EI24: variants seen among roughly 807,000 people sequenced by gnomAD.
EI24 encodes the protein EI24 autophagy associated transmembrane protein, also known as etoposide-induced protein 2.4 homolog.
Under a neutral mutation model 48.6 loss-of-function variants are expected in EI24, and 21 were observed. That is an observed-to-expected ratio of 0.43 (90% confidence interval 0.31 to 0.62). EI24 has a LOEUF of 0.62. Ranked by LOEUF, EI24 falls within the 20% of genes least tolerant of loss-of-function variation. The probability of loss-of-function intolerance (pLI) is 0.10; values close to 1 mark genes in which losing one functional copy is unlikely to be tolerated. For missense variants in EI24, 280 were observed against 410.5 expected (o/e 0.68, Z 2.75); for synonymous variants, 114 against 145.5 (o/e 0.78, Z 1.56).
chr11:125,577,903 G>A (rs1026213761), intron 5 of EI24: 2 of 592,604 alleles, frequency 3.4e-6, no homozygotes, highest in Non-Finnish European at 5.9e-6. Flanking sequence ...CATCATGTAA[G>A]CAGGTTTGTG....
chr11:125,583,380 T>G, intron 10 of EI24, 141 bp from the exon 11 acceptor site: 1 of 710,678 alleles, frequency 1.4e-6, no homozygotes, highest in Non-Finnish European at 2.3e-6. Flanking sequence ...CATCCATGTA[T>G]CTAATATCTG....
chr11:125,572,358 C>G, intron 1 of EI24, 100 bp from the exon 2 acceptor site: 1 of 642,810 alleles, frequency 1.6e-6, no homozygotes, highest in Non-Finnish European at 2.8e-6. Context: ...TGCTATCTTA[C>G]TAGAGCTACA....
At chr11:125,575,638 T>A (rs1352364795) in intron 3 of EI24, among the ~76,000 whole-genome samples, 1 of 152,168 alleles carries the variant, frequency 6.6e-6, no homozygotes, top group East Asian at 1.9e-4. Context: ...TATTATTTGG[T>A]TTGATAGATA....
At chr11:125,572,593 A>T in intron 2 of EI24, 24 bp downstream of exon 2, 4 of 1,189,634 alleles carry the variant, frequency 3.4e-6, no homozygotes, top group Non-Finnish European at 4.9e-6. Flanking sequence ...GTTTATAGGA[A>T]TTCATCTCTC....
rs1025027381 is a variant in EI24, at chr11:125,575,692, C to G, written c.188+284C>G. Reference sequence around the variant, plus strand: ...TGGATTTATGTATTAATAGAAGAACCCTGGCCCCACACTTTCTCTTAATCT... The same window carrying G: ...TGGATTTATGTATTAATAGAAGAACGCTGGCCCCACACTTTCTCTTAATCT... On this transcript the variant is annotated intron_variant, in intron 3 of 10. Coordinates refer to ENST00000278903, the MANE Select transcript of EI24 (RefSeq NM_004879.5). 2.3e-4 allele frequency: 58 copies of G among 248,616 alleles called. 1 individual carries two copies. Among genetic ancestry groups the G allele is most frequent in the African/African-American group, 1.2e-3 (56 of 44,892 alleles). 15.4% of individuals were successfully genotyped at this position (248,616 alleles called of 1,614,324 possible).
intron 4 of EI24, among the ~76,000 whole-genome samples, chr11:125,576,660 C>T (rs911491638): frequency 1.3e-5 from 2 of 152,178 alleles, no homozygotes; most frequent in Non-Finnish European, 2.9e-5. Flanking sequence ...TACGGCTAGA[C>T]AAGAACAAGG....
chr11:125,581,176 T>C (rs1231345278), intron 8 of EI24, 35 bp from the exon 9 acceptor site: 1 of 1,466,930 alleles, frequency 6.8e-7, no homozygotes, highest in Admixed American at 1.8e-5. Context: ...TAAAAGGAAA[T>C]ATAATATCTA....
At chr11:125,578,011 G>A (rs1017162860) in intron 5 of EI24, 122 bp from the exon 6 acceptor site, 2 of 1,154,976 alleles carry the variant, frequency 1.7e-6, no homozygotes, top group Non-Finnish European at 2.5e-6. Context: ...GTATAGTGAT[G>A]TGCTGGCAAG....
At chr11:125,572,181 A>G (rs923585223) in intron 1 of EI24, among the ~76,000 whole-genome samples, 1 of 152,218 alleles carries the variant, frequency 6.6e-6, no homozygotes, top group Non-Finnish European at 1.5e-5. Context: ...TTACTGGTCA[A>G]GAGCACATTG....
In EI24 at chr11:125,572,457, G is replaced by A; in HGVS notation, c.-70-1G>A. The A allele has an allele frequency of 7.0e-7, 1 of 1,432,302 alleles. No homozygotes were observed. The highest frequency in any genetic ancestry group is 9.8e-7 in the Non-Finnish European group (1 of 1,019,446). The allele number at this position is 1,432,302 out of a possible 1,614,324, so 88.7% of individuals were successfully genotyped here. A position where few individuals can be genotyped will look rare whatever the true frequency, so the allele number is the denominator to read the frequency against. ...CTCCATTATGTTCCATCTGTTTCCA[G>A]ATCCTTCATGATGAGAGATTTGGGG... On this transcript the variant is annotated splice_acceptor_variant, in intron 1 of 10. Transcript: ENST00000278903. LOFTEE classifies it low-confidence loss of function (5UTR_SPLICE).
intron 2 of EI24, chr11:125,573,438 A>T (rs767134467): frequency 2.7e-4 from 57 of 211,352 alleles, no homozygotes; most frequent in Non-Finnish European, 4.5e-4. Flanking sequence ...TCTTTAGTGG[A>T]AGAGTTTAAA....
At chr11:125,578,801 G>A in intron 6 of EI24, 148 bp from the exon 7 acceptor site, 1 of 953,750 alleles carries the variant, frequency 1.0e-6, no homozygotes, top group South Asian at 1.7e-5. Flanking sequence ...GAGTAGCTGG[G>A]ACTATAGGCA....
chr11:125,572,985 G>C (rs1291421503), intron 2 of EI24, among the ~76,000 whole-genome samples: 1 of 151,808 alleles, frequency 6.6e-6, no homozygotes, highest in African/African-American at 2.4e-5. Flanking sequence ...ATGAACATTG[G>C]TTCAGTACTA....
chr11:125,578,969 T>G lies in EI24; in HGVS notation c.462T>G (p.Phe154Leu), dbSNP rs1938871394. ...TACAGGATATAGCTGACCTGGCATT[T>G]GAGGTATCAGGGAGGAAGCCTCACC... ...IWFQDIADLAFEVSGRKPHPF... is the reference protein window; with the variant it reads ...IWFQDIADLALEVSGRKPHPF... The change falls in exon 7 of 11, where the codon TTT becomes TTG. Residue 154 changes from phenylalanine to leucine, a missense_variant. Phe to Leu is a conservative substitution (Grantham distance 22, BLOSUM62 0). Coordinates refer to ENST00000278903, the MANE Select transcript of EI24 (RefSeq NM_004879.5). The G allele has an allele frequency of 1.4e-5, 23 of 1,589,742 alleles. No individual in the cohort carries two copies. The highest frequency in any genetic ancestry group is 2.0e-5 in the Non-Finnish European group (23 of 1,167,052).
Position 125,578,184 on chromosome 11 carries a change from C to T in EI24, c.368C>T (p.Thr123Met), listed in dbSNP as rs781717797. The T allele has an allele frequency of 1.9e-5, 31 of 1,613,856 alleles. No individual in the cohort carries two copies. The highest frequency in any genetic ancestry group is 1.2e-4 in the Admixed American group (7 of 59,996). ...TGGTCGTGGCTGGAATTCTTCCTCA[C>T]GTCAATTTTCAGTGCTCTTTGGGTG... is the stretch of plus-strand genomic sequence containing the variant. Reference protein sequence around the residue: ...DVWSWLEFFLTSIFSALWVLP... With the variant: ...DVWSWLEFFLMSIFSALWVLP... The change falls in exon 6 of 11, where the codon ACG becomes ATG. Residue 123 changes from threonine to methionine, a missense_variant. By Grantham distance (81) the Thr-to-Met change is moderately conservative. This residue lies in a region of EI24 where 204 missense variants were observed against 294.1 expected (regional missense o/e 0.69). Transcript: ENST00000278903.
intron 9 of EI24, 102 bp from the exon 10 acceptor site, chr11:125,582,244 G>C: frequency 9.2e-7 from 1 of 1,089,926 alleles, no homozygotes. Context: ...AAGCCATAAT[G>C]TTTACACTGG....
chr11:125,575,387 G>A lies in EI24; in HGVS notation c.167G>A (p.Ser56Asn). The change falls in exon 3 of 11, where the codon AGT becomes AAT. Residue 56 changes from serine (S) to asparagine (N), a missense_variant. Transcript: ENST00000278903. ...GTCTTGGCACAGAGAAGAGCCCAGA[G>A]TATAGAGCGGAAGCAAGAGAGGTAA... ...SSVLAQRRAQSIERKQESEPR... is the reference protein window; with the variant it reads ...SSVLAQRRAQNIERKQESEPR... 1 of 1,594,244 alleles carries A rather than the reference G, an allele frequency of 6.3e-7. No homozygotes were observed. Among genetic ancestry groups the A allele is most frequent in the Non-Finnish European group, 8.5e-7 (1 of 1,170,010 alleles).
At chr11:125,575,973 T>C (rs1938734007) in intron 3 of EI24, 1 of 412,108 alleles carries the variant, frequency 2.4e-6, no homozygotes, top group African/African-American at 2.0e-5. Context: ...TATTCTTTAG[T>C]GGAGACAGGG....
rs111319851 is a variant in EI24, at chr11:125,573,321, C to G, written c.42+752C>G. 3 of 161,804 alleles carry G rather than the reference C, an allele frequency of 1.9e-5. 1 individual carries two copies. The highest frequency in any genetic ancestry group is 4.8e-5 in the African/African-American group (2 of 42,022). The allele number at this position is 161,804 out of a possible 1,614,324, so 10.0% of individuals were successfully genotyped here. ...TCCAAATTACCAATAGCACAAAAGTCTGCTACTTTTAATGTATGTCTGAAG... is the reference window on the plus strand; with the variant it reads ...TCCAAATTACCAATAGCACAAAAGTGTGCTACTTTTAATGTATGTCTGAAG... On this transcript the variant is annotated intron_variant, in intron 2 of 10. Coordinates refer to ENST00000278903, the MANE Select transcript of EI24 (RefSeq NM_004879.5).
Sources: gnomAD v4.1 joint callset for allele counts (sites outside exome capture counted in the v4.1 genomes callset) on GRCh38, gnomAD v4.1.1 for gene constraint, gnomAD v4.1.1 regional missense constraint, MANE v1.5 for transcripts, NCBI Gene and HGNC (gene_info 2026-07-23, HGNC 2026-07-21) for gene names.